UBR1: variants seen among roughly 807,000 people sequenced by gnomAD.
UBR1 encodes the protein E3 ubiquitin-protein ligase UBR1.
Under a neutral mutation model 242.1 loss-of-function variants are expected in UBR1, and 102 were observed. The observed-to-expected ratio is 0.42, with a 90% CI of 0.36 to 0.50. The LOEUF is 0.50. Ranked by LOEUF, UBR1 falls within the 20% of genes least tolerant of loss-of-function variation. The pLI is 0.01. For missense variants in UBR1, 1,772 were observed against 2,101.8 expected (o/e 0.84, Z 3.07); for synonymous variants, 675 against 684.8 (o/e 0.99, Z 0.22).
At chr15:43,080,659 A>G (rs1391049713) in intron 3 of UBR1, among the ~76,000 whole-genome samples, 1 of 152,252 alleles carries the variant, frequency 6.6e-6, no homozygotes, top group African/African-American at 2.4e-5. Flanking sequence ...GAAAGCTGCT[A>G]TAAAACATTC....
At chr15:42,957,763 T>A (rs2141253167) in intron 44 of UBR1, among the ~76,000 whole-genome samples, 1 of 152,058 alleles carries the variant, frequency 6.6e-6, no homozygotes, top group East Asian at 1.9e-4. Context: ...GTAGTTTCAC[T>A]ACTTGGGAGA....
At position 43,081,191 on chromosome 15, in the gene UBR1, G is replaced by A. The variant is rs190833633; in HGVS notation, c.417+1447C>T. Among the ~76,000 whole-genome samples, 231 of 152,210 alleles carry A rather than the reference G, an allele frequency of 1.5e-3. 1 individual carries two copies. Among genetic ancestry groups the A allele is most frequent in the African/African-American group, 5.4e-3 (224 of 41,532 alleles). On this transcript the variant is annotated intron_variant, in intron 3 of 46. Transcript: ENST00000290650. ...CCCAGCACTTCAGGAGGCTGAGGCG[G>A]GTGGATCACAAGGTCAGGAGTTCAA...
chr15:43,001,123 G>C (rs1567120702), intron 32 of UBR1, among the ~76,000 whole-genome samples: 1 of 151,430 alleles, frequency 6.6e-6, no homozygotes, highest in Non-Finnish European at 1.5e-5. Flanking sequence ...GTGAGGCACT[G>C]TGCCCAGCCA....
At chr15:43,026,687 T>C (rs372188539) in intron 22 of UBR1, 24 bp from the exon 23 acceptor site, 237 of 1,560,662 alleles carry the variant, frequency 1.5e-4, no homozygotes, top group Non-Finnish European at 2.0e-4. Context: ...AAATACAAGA[T>C]GAACTGCAGT....
At chr15:43,005,062 C>T (rs898287793) in intron 30 of UBR1, among the ~76,000 whole-genome samples, 35 of 151,664 alleles carry the variant, frequency 2.3e-4, no homozygotes, top group African/African-American at 7.0e-4. Context: ...CGTCTCTGCC[C>T]GACCGCCACC....
intron 44 of UBR1, among the ~76,000 whole-genome samples, chr15:42,953,435 C>G (rs1344440126): frequency 1.3e-5 from 2 of 152,160 alleles, no homozygotes; most frequent in East Asian, 3.8e-4. Context: ...AGCCTTTTTT[C>G]TGATCCCCAG....
Position 42,984,930 on chromosome 15 carries a change from C to T in UBR1, c.4010G>A (p.Gly1337Glu), listed in dbSNP as rs1340343438. The change falls in exon 36 of 47, where the codon GGA becomes GAA. Residue 1337 changes from glycine to glutamate, a missense_variant. Coordinates refer to ENST00000290650, the MANE Select transcript of UBR1 (RefSeq NM_174916.3). ...TCCAAACAGAGGTTTTCCTTCATCTCCCAATAGATTTTCTCAAAGAATAAA... is the reference window on the plus strand; with the variant it reads ...TCCAAACAGAGGTTTTCCTTCATCTTCCAATAGATTTTCTCAAAGAATAAA... Reference protein sequence around the residue: ...FTIQAIENLLGDEGKPLFGAL... With the variant: ...FTIQAIENLLEDEGKPLFGAL... 8 of 1,609,282 alleles carry T rather than the reference C, an allele frequency of 5.0e-6. No individual in the cohort carries two copies. In the Admixed American group the frequency reaches 6.7e-5, roughly 13 times the overall value.
At chr15:43,076,147 G>GTTT (rs34147534) in intron 3 of UBR1, among the ~76,000 whole-genome samples, 8 of 130,188 alleles carry the variant, frequency 6.1e-5, no homozygotes, top group Non-Finnish European at 8.0e-5. Flanking sequence ...ACTGGTTTTC[G>GTTT]TTTTTTTTTT....
intron 3 of UBR1, among the ~76,000 whole-genome samples, chr15:43,079,020 T>C (rs1033796665): frequency 1.3e-5 from 2 of 152,002 alleles, no homozygotes; most frequent in African/African-American, 4.8e-5. Flanking sequence ...ATGAATAACA[T>C]TGAAGCAAAG....
chr15:43,084,277 G>C (rs1474535510), intron 2 of UBR1, among the ~76,000 whole-genome samples: 1 of 152,036 alleles, frequency 6.6e-6, no homozygotes, highest in East Asian at 1.9e-4. Flanking sequence ...CTAGATGCCA[G>C]TACCTTCATC....
intron 15 of UBR1, among the ~76,000 whole-genome samples, chr15:43,039,450 G>A (rs1010564641): frequency 2.0e-5 from 3 of 152,094 alleles, no homozygotes; most frequent in Non-Finnish European, 4.4e-5. Flanking sequence ...ATTGTGAATG[G>A]GAGTTCACTC....
At chr15:43,032,434 C>A in intron 20 of UBR1, 134 bp downstream of exon 20, 1 of 619,194 alleles carries the variant, frequency 1.6e-6, no homozygotes, top group Non-Finnish European at 2.8e-6. Flanking sequence ...AATGTAAAAT[C>A]TGTGCTTTTG....
rs552292875 is a variant in UBR1 at position 43,039,634 on chromosome 15, T to C, written c.1850-1402A>G. On this transcript the variant is annotated intron_variant, in intron 15 of 46. Coordinates refer to ENST00000290650, the MANE Select transcript of UBR1 (RefSeq NM_174916.3). Reference sequence around the variant, plus strand: ...TCATGTCATCTGCAAACAGGGACACTTTGACTTCCTCTTTTCCTAACTGAA... The same window carrying C: ...TCATGTCATCTGCAAACAGGGACACCTTGACTTCCTCTTTTCCTAACTGAA... 5.3e-5 allele frequency among the ~76,000 whole-genome samples: 8 copies of C among 152,308 alleles called. No individual in the cohort carries two copies. In the East Asian group the frequency reaches 1.3e-3, roughly 26 times the overall value.
At chr15:43,086,849 T>C (rs1471537892) in intron 1 of UBR1, among the ~76,000 whole-genome samples, 1 of 152,072 alleles carries the variant, frequency 6.6e-6, no homozygotes, top group Non-Finnish European at 1.5e-5. Context: ...AAACTGGCAA[T>C]ATCAAATGCT....
At chr15:43,014,306 C>A (rs2032974783) in intron 29 of UBR1, among the ~76,000 whole-genome samples, 1 of 152,224 alleles carries the variant, frequency 6.6e-6, no homozygotes, top group Non-Finnish European at 1.5e-5. Flanking sequence ...GCCGCCACCC[C>A]GTCTGGGAAG....
intron 33 of UBR1, among the ~76,000 whole-genome samples, chr15:42,997,364 T>C (rs536458738): frequency 5.9e-5 from 9 of 152,184 alleles, no homozygotes; most frequent in Non-Finnish European, 1.2e-4. Flanking sequence ...TATATTACAA[T>C]GTAATAATAA....
At chr15:42,999,819 C>T (rs1057312095) in intron 32 of UBR1, among the ~76,000 whole-genome samples, 2 of 148,878 alleles carry the variant, frequency 1.3e-5, no homozygotes, top group Admixed American at 1.3e-4. Flanking sequence ...GAGACCCTAT[C>T]TAAAAAAAAA....
chr15:43,070,455 T>C (rs2033810986), intron 5 of UBR1, among the ~76,000 whole-genome samples: 1 of 152,020 alleles, frequency 6.6e-6, no homozygotes. Flanking sequence ...AACCAGACAT[T>C]AGTCCAGGCC....
chr15:43,081,137 G>A (rs2033969677), intron 3 of UBR1, among the ~76,000 whole-genome samples: 1 of 152,066 alleles, frequency 6.6e-6, no homozygotes, highest in Non-Finnish European at 1.5e-5. Flanking sequence ...AAGACTTCCT[G>A]GCCAGGCACG....
Sources: gnomAD v4.1 joint callset for allele counts (sites outside exome capture counted in the v4.1 genomes callset) on GRCh38, gnomAD v4.1.1 for gene constraint, MANE v1.5 for transcripts, NCBI Gene and HGNC (gene_info 2026-07-23, HGNC 2026-07-21) for gene names.